Variants in ZNRF2 observed in about 807,000 individuals in gnomAD.
ZNRF2 encodes the protein zinc and ring finger 2.
Under a neutral mutation model 20.4 loss-of-function variants are expected in ZNRF2, and 16 were observed. That is an observed-to-expected ratio of 0.79 (90% CI 0.53 to 1.19). The LOEUF is 1.19. Among genes scored for constraint, ZNRF2 ranks in the 50% most tolerant of loss-of-function variants. The pLI, the probability that ZNRF2 is intolerant of heterozygous loss-of-function variation, is 0.00. For synonymous variants in ZNRF2, 178 were observed against 144.9 expected, an observed-to-expected ratio of 1.23 and a Z score of -1.64; for missense variants, 363 against 332.4, an observed-to-expected ratio of 1.09 and a Z score of -0.72.
intron 1 of ZNRF2, among the ~76,000 whole-genome samples, chr7:30,321,787 G>A (rs1799474520): frequency 6.6e-6 from 1 of 152,118 alleles, no homozygotes; most frequent in Non-Finnish European, 1.5e-5. Context: ...CTTAAAATCT[G>A]GTTGCAGTTT....
Position 30,285,414 on chromosome 7 carries a change from G to C in ZNRF2, c.57G>C (p.Ser19=), listed in dbSNP as rs1359352634. The C allele has an allele frequency of 3.2e-6, 4 of 1,253,114 alleles. No individual in the cohort carries two copies. Among genetic ancestry groups the C allele is most frequent in the East Asian group, 5.0e-5 (1 of 19,992 alleles). 77.6% of individuals were successfully genotyped at this position (1,253,114 alleles called of 1,614,324 possible). A position where few individuals can be genotyped will look rare whatever the true frequency, so the allele number is the denominator to read the frequency against. The change falls in exon 1 of 5, where the codon TCG becomes TCC. Residue 19 remains serine, a synonymous_variant. Transcript: ENST00000323037. ...AAANGRTRAY[S]GSDLPSSSSG... ...CTAACGGCCGCACGCGCGCGTACTC[G>C]GGCTCGGATCTACCTTCCAGTAGCA...
At position 30,327,835 on chromosome 7, in the gene ZNRF2, A is replaced by G. The variant is rs556132640; in HGVS notation, c.565+4098A>G. 2.6e-5 allele frequency among the ~76,000 whole-genome samples: 4 copies of G among 152,160 alleles called. No homozygotes were observed. The South Asian group carries it at 6.2e-4, about 24-fold the overall frequency. On this transcript the variant is annotated intron_variant, in intron 2 of 4. Coordinates refer to ENST00000323037, the MANE Select transcript of ZNRF2 (RefSeq NM_147128.4). Reference sequence around the variant, plus strand: ...TCCTACCTCAGCCTCCTAAGTAGCTAGGACTACAGGTGCATGCCACCATGC... The same window carrying G: ...TCCTACCTCAGCCTCCTAAGTAGCTGGGACTACAGGTGCATGCCACCATGC...
At chr7:30,303,052 G>T (rs151128803) in intron 1 of ZNRF2, among the ~76,000 whole-genome samples, 277 of 152,168 alleles carry the variant, frequency 1.8e-3, no homozygotes, top group African/African-American at 6.3e-3. Flanking sequence ...AAGCTGAGGC[G>T]AGTGGATAGC....
intron 2 of ZNRF2, among the ~76,000 whole-genome samples, chr7:30,334,650 T>A (rs578146883): frequency 4.1e-4 from 63 of 152,336 alleles, no homozygotes; most frequent in Admixed American, 1.3e-3. Context: ...TGATAGTTAT[T>A]TAATTCCAAG....
At chr7:30,322,218 A>G (rs1198237488) in intron 1 of ZNRF2, among the ~76,000 whole-genome samples, 2 of 152,212 alleles carry the variant, frequency 1.3e-5, no homozygotes, top group East Asian at 3.8e-4. Context: ...TACAGTTTGA[A>G]AAACATTGTA....
At position 30,320,471 on chromosome 7, in the gene ZNRF2, G is replaced by A. The variant is rs544255175; in HGVS notation, c.470-3171G>A. Among the ~76,000 whole-genome samples the A allele has an allele frequency of 5.9e-5, 9 of 152,234 alleles. No individual in the cohort carries two copies. In the South Asian group the frequency reaches 1.7e-3, roughly 28 times the overall value. On this transcript the variant is annotated intron_variant, in intron 1 of 4. Transcript: ENST00000323037. ...AGTTTTAAGAGTGCTTTACATAGAT[G>A]TTTAACTTAGGATTTTTGACTTTAT... is the stretch of plus-strand genomic sequence containing the variant.
chr7:30,326,273 C>T (rs1187044689), intron 2 of ZNRF2, among the ~76,000 whole-genome samples: 1 of 151,984 alleles, frequency 6.6e-6, no homozygotes, highest in Non-Finnish European at 1.5e-5. Context: ...TTTTTCTGAT[C>T]CTCTCCTTCC....
At chr7:30,354,035 C>T (rs1007187462) in intron 2 of ZNRF2, among the ~76,000 whole-genome samples, 3 of 151,524 alleles carry the variant, frequency 2.0e-5, no homozygotes, top group African/African-American at 7.3e-5. Flanking sequence ...AAACTTGTTC[C>T]CTATCTGAAT....
intron 4 of ZNRF2, among the ~76,000 whole-genome samples, chr7:30,363,958 T>A (rs1583601158): frequency 2.6e-5 from 4 of 152,334 alleles, no homozygotes; most frequent in Admixed American, 2.6e-4. Context: ...TGAGAGTCTC[T>A]TTGTTCAGGG....
chr7:30,314,124 CTGTT>C (rs1248938989), intron 1 of ZNRF2, among the ~76,000 whole-genome samples: 3 of 152,144 alleles, frequency 2.0e-5, no homozygotes, highest in Middle Eastern at 3.2e-3. Flanking sequence ...ACGTTGTACT[CTGTT>C]TGACATTATT....
chr7:30,330,340 T>C (rs1021370310), intron 2 of ZNRF2, among the ~76,000 whole-genome samples: 3 of 152,200 alleles, frequency 2.0e-5, no homozygotes, highest in Admixed American at 6.6e-5. Flanking sequence ...AAGATGTGAC[T>C]ATTACCCTGT....
At chr7:30,288,167 AGACTT>A (rs940100356) in intron 1 of ZNRF2, among the ~76,000 whole-genome samples, 6 of 152,250 alleles carry the variant, frequency 3.9e-5, no homozygotes, top group African/African-American at 1.4e-4. Context: ...TAATTAAAAA[AGACTT>A]GACTAGTTCA....
At chr7:30,352,829 G>A (rs138093902) in intron 2 of ZNRF2, among the ~76,000 whole-genome samples, 2 of 152,148 alleles carry the variant, frequency 1.3e-5, no homozygotes, top group East Asian at 3.9e-4. Context: ...TTTCCCAACT[G>A]TCTTGAAGAT....
chr7:30,349,250 GT>G (rs934987401), intron 2 of ZNRF2, among the ~76,000 whole-genome samples: 2 of 152,148 alleles, frequency 1.3e-5, no homozygotes, highest in African/African-American at 4.8e-5. Context: ...GCTCAAAGAG[GT>G]TTGTGACTTG....
At chr7:30,294,212 T>C (rs1798968827) in intron 1 of ZNRF2, among the ~76,000 whole-genome samples, 1 of 152,152 alleles carries the variant, frequency 6.6e-6, no homozygotes, top group African/African-American at 2.4e-5. Context: ...TTCTCTTAGC[T>C]TCTTTTATTT....
At chr7:30,342,941 A>G (rs997975529) in intron 2 of ZNRF2, among the ~76,000 whole-genome samples, 1 of 152,008 alleles carries the variant, frequency 6.6e-6, no homozygotes, top group African/African-American at 2.4e-5. Context: ...CCGCATTGTG[A>G]TCAGAGGATG....
chr7:30,319,188 G>A lies in ZNRF2; in HGVS notation c.470-4454G>A, dbSNP rs998350654. Reference sequence around the variant, plus strand: ...AGAGTCTTACCCTGTTGCCCGGGCTGTAGTGCAGTGGTAGGATCATAGTTC... The same window carrying A: ...AGAGTCTTACCCTGTTGCCCGGGCTATAGTGCAGTGGTAGGATCATAGTTC... On this transcript the variant is annotated intron_variant, in intron 1 of 4. Coordinates refer to ENST00000323037, the MANE Select transcript of ZNRF2 (RefSeq NM_147128.4). 6.6e-5 allele frequency among the ~76,000 whole-genome samples: 10 copies of A among 151,998 alleles called. No individual in the cohort carries two copies. In the East Asian group the frequency reaches 1.7e-3, roughly 26 times the overall value.
chr7:30,285,124 C>G lies in ZNRF2; in HGVS notation c.-234C>G, dbSNP rs1217895884. 2 of 418,074 alleles carry G rather than the reference C, an allele frequency of 4.8e-6. No individual in the cohort carries two copies. The highest frequency in any genetic ancestry group is 9.3e-6 in the Non-Finnish European group (2 of 214,100). 25.9% of individuals were successfully genotyped at this position (418,074 alleles called of 1,614,324 possible). Reference sequence around the variant, plus strand: ...GCCTGCAGCCGGGACCCCTTCCTCTCCGCGTCTCCTCGTCTCCCGCGCCCG... The same window carrying G: ...GCCTGCAGCCGGGACCCCTTCCTCTGCGCGTCTCCTCGTCTCCCGCGCCCG... On this transcript the variant is annotated 5_prime_UTR_variant, in exon 1 of 5. Transcript: ENST00000323037.
intron 1 of ZNRF2, among the ~76,000 whole-genome samples, chr7:30,312,511 A>AACC (rs1007342028): frequency 2.0e-5 from 3 of 152,296 alleles, no homozygotes; most frequent in Admixed American, 6.5e-5. Context: ...GACAGAAAAA[A>AACC]ACCACTTCAT....
Sources: allele counts gnomAD v4.1 joint callset (sites outside exome capture counted in the v4.1 genomes callset), GRCh38; gene constraint gnomAD v4.1.1; transcripts MANE v1.5; gene names NCBI Gene and HGNC (gene_info 2026-07-23, HGNC 2026-07-21).